The following WDR62 variants were observed in gnomAD, a reference collection of about 807,000 sequenced individuals.
The protein encoded by WDR62 is WD repeat-containing protein 62.
Under a neutral mutation model 160.6 loss-of-function variants are expected in WDR62, and 112 were observed. The observed-to-expected ratio is 0.70, with a 90% CI of 0.60 to 0.82. The LOEUF (loss-of-function observed/expected upper bound fraction) is 0.82, where lower values mean the gene tolerates loss of function less well. Ranked by LOEUF, WDR62 falls within the 40% of genes least tolerant of loss-of-function variation. The pLI is 0.00. For synonymous variants in WDR62, 792 were observed against 815.1 expected (o/e 0.97, Z 0.48); for missense variants, 1,819 against 1,983.8 (o/e 0.92, Z 1.58).
chr19:36,088,287 CAA>C (rs1568353201), intron 13 of WDR62, among the ~76,000 whole-genome samples: 2 of 152,118 alleles, frequency 1.3e-5, no homozygotes, highest in South Asian at 4.1e-4. Context: ...GCCTGGGCAA[CAA>C]GAGCGAAACT....
At chr19:36,069,461 T>C (rs2079151) in intron 7 of WDR62, among the ~76,000 whole-genome samples, 71,298 of 149,542 alleles carry the variant, frequency 0.48, 17,574 homozygotes, top group African/African-American at 0.61. Flanking sequence ...CTCCTCACTT[T>C]CTAGACGGAA....
chr19:36,105,235 A>G (rs1212275124), downstream of WDR62: 3 of 655,242 alleles, frequency 4.6e-6, no homozygotes, highest in Non-Finnish European at 7.7e-6. Context: ...AGCGCTCCCA[A>G]GAAGTTCAGG....
Position 36,055,030 on chromosome 19 carries a change from C to G in WDR62, c.59C>G (p.Ser20Cys). Residue 20 changes from serine to cysteine, a missense_variant, in exon 1 of 32, where the codon TCT (serine) becomes TGT (cysteine). This residue lies in a region of WDR62 where 115 missense variants were observed against 92.4 expected (regional missense o/e 1.24). Coordinates refer to ENST00000401500, the MANE Select transcript of WDR62 (RefSeq NM_001083961.2). ...ARNDAGEKLP[S>C]VMAGVPARRG... The stretch of plus-strand genomic sequence containing the variant: ...AACGATGCAGGGGAGAAGCTGCCCT[C>G]TGTCATGGCGGGAGTTCCGGCGCGG... The G allele has an allele frequency of 6.2e-7, 1 of 1,608,162 alleles. No homozygotes were observed. The highest frequency in any genetic ancestry group is 1.3e-5 in the African/African-American group (1 of 75,010).
chr19:36,070,589 G>A (rs1052298290), intron 7 of WDR62: 1 of 152,264 alleles, frequency 6.6e-6, no homozygotes. Context: ...TTCCTGGCCT[G>A]CCTTTGTGAC....
At chr19:36,060,206 C>T (rs1970576494) in intron 3 of WDR62, 176 bp downstream of exon 3, 1 of 672,848 alleles carries the variant, frequency 1.5e-6, no homozygotes, top group African/African-American at 1.8e-5. Flanking sequence ...ACAGCAGTGA[C>T]CAGAGGAGAC....
Position 36,097,031 on chromosome 19 carries a change from T to G in WDR62, c.2472T>G (p.Pro824=). 6.2e-7 allele frequency: 1 copy of G among 1,612,640 alleles called. No individual in the cohort carries two copies. Among genetic ancestry groups the G allele is most frequent in the Non-Finnish European group, 8.5e-7 (1 of 1,179,388 alleles). ...TPSKDSLDPD[P]RCLLTNGKLP... ...ATGGATTCTGTGTCTTTCCAGATCC[T>G]CGTTGCCTGCTAACCAACGGCAAGC... The change falls in exon 21 of 32, where the codon CCT becomes CCG. Residue 824 remains proline (P), a synonymous_variant. Transcript: ENST00000401500.
rs1568370961 is a variant in WDR62, at chr19:36,103,178, A to C, written c.3485A>C (p.Glu1162Ala). The C allele has an allele frequency of 4.3e-6, 7 of 1,613,996 alleles. No homozygotes were observed. Among genetic ancestry groups the C allele is most frequent in the Non-Finnish European group, 5.9e-6 (7 of 1,180,002 alleles). Residue 1162 changes from glutamate (E) to alanine (A), a missense_variant, in exon 29 of 32, where the codon GAA (glutamate) becomes GCA (alanine). Coordinates refer to ENST00000401500, the MANE Select transcript of WDR62 (RefSeq NM_001083961.2). ...CAGGTCCTCGCTGCAGGGAAGGCTG[A>C]AGAGACCCTGGAGGCCTGGCGCCCA... ...RTHVLAAGKA[E>A]ETLEAWRPPP...
chr19:36,084,962 C>T (rs555621596), intron 12 of WDR62, among the ~76,000 whole-genome samples: 1 of 152,284 alleles, frequency 6.6e-6, no homozygotes, highest in African/African-American at 2.4e-5. Flanking sequence ...TTGCCCGCTG[C>T]TGGTGCCAGC....
chr19:36,101,196 C>G lies in WDR62; in HGVS notation c.2868-18C>G, dbSNP rs569948417. On this transcript the variant is annotated intron_variant, in intron 23 of 31. Transcript: ENST00000401500. ...AGCTGAAGTCCTTGTTCCCTCTCTG[C>G]CCCCACTGGCACTGCAGCCAGTATT... 1 of 1,600,752 alleles carries G rather than the reference C, an allele frequency of 6.2e-7. No individual in the cohort carries two copies. Among genetic ancestry groups the G allele is most frequent in the South Asian group, 1.1e-5 (1 of 89,026 alleles).
downstream of WDR62, among the ~76,000 whole-genome samples, chr19:36,109,963 G>T (rs1257331522): frequency 6.6e-6 from 1 of 151,510 alleles, no homozygotes; most frequent in African/African-American, 2.4e-5. Flanking sequence ...GCTGAGGCAG[G>T]AGACTCACTT....
In WDR62 at chr19:36,103,810, G is replaced by A; in HGVS notation, c.3982G>A (p.Ala1328Thr). Residue 1328 changes from alanine to threonine, a missense_variant, in exon 30 of 32, where the codon GCC becomes ACC. Coordinates refer to ENST00000401500, the MANE Select transcript of WDR62 (RefSeq NM_001083961.2). Reference sequence around the variant, plus strand: ...CACCGTCCCTGCAGTGAGCTTCCCAGCCCCTAGCCCTGTGGAAGAGAGCGC... The same window carrying A: ...CACCGTCCCTGCAGTGAGCTTCCCAACCCCTAGCCCTGTGGAAGAGAGCGC... ...GVTVPAVSFP[A>T]PSPVEESALR... The A allele has an allele frequency of 6.2e-7, 1 of 1,607,714 alleles. No individual in the cohort carries two copies. The highest frequency in any genetic ancestry group is 8.5e-7 in the Non-Finnish European group (1 of 1,178,884).
At chr19:36,082,967 G>T in intron 10 of WDR62, 96 bp from the exon 11 acceptor site, 1 of 1,075,968 alleles carries the variant, frequency 9.3e-7, no homozygotes, top group Non-Finnish European at 1.4e-6. Context: ...AATTAGAGTT[G>T]TATTACTAAC....
chr19:36,080,679 T>G (rs1260788759), intron 9 of WDR62, among the ~76,000 whole-genome samples: 1 of 151,926 alleles, frequency 6.6e-6, no homozygotes, highest in African/African-American at 2.4e-5. Flanking sequence ...GGTCTCAAAC[T>G]CCTGACCTCA....
Position 36,063,136 on chromosome 19 carries a change from G to C in WDR62, c.333-2822G>C, listed in dbSNP as rs1970749290. 2.0e-5 allele frequency among the ~76,000 whole-genome samples: 3 copies of C among 152,248 alleles called. No homozygotes were observed. The South Asian group carries it at 6.2e-4, about 32-fold the overall frequency. ...ATTTTTGTATTTTTAGTAGAGCTGG[G>C]GTTTCCCCATGTTGGCCAGGATGGT... On this transcript the variant is annotated intron_variant, in intron 3 of 31. Transcript: ENST00000401500.
downstream of WDR62, among the ~76,000 whole-genome samples, chr19:36,109,182 T>C (rs1168288850): frequency 6.6e-6 from 1 of 152,182 alleles, no homozygotes; most frequent in Non-Finnish European, 1.5e-5. Flanking sequence ...CAGCAAGCCT[T>C]GTACAGATGT....
In WDR62 at chr19:36,067,351, G is replaced by T; in HGVS notation, c.607G>T (p.Ala203Ser). 6.2e-7 allele frequency: 1 copy of T among 1,614,216 alleles called. No homozygotes were observed. The highest frequency in any genetic ancestry group is 1.1e-5 in the South Asian group (1 of 91,084). The change falls in exon 6 of 32, where the codon GCC becomes TCC. Residue 203 changes from alanine (A) to serine (S), a missense_variant. This residue lies in a region of WDR62 where 934 missense variants were observed against 1,157.2 expected (regional missense o/e 0.81). Coordinates refer to ENST00000401500, the MANE Select transcript of WDR62 (RefSeq NM_001083961.2). ...CAACAAGGTATCTTGTAGAGTCATT[G>T]CCCTCTCCTTCTCAGAGGACAGCAG... Reference protein sequence around the residue: ...ASNKVSCRVIALSFSEDSSYF... With the variant: ...ASNKVSCRVISLSFSEDSSYF...
chr19:36,102,292 C>G (rs767120734), intron 26 of WDR62, 141 bp downstream of exon 26: 9 of 1,255,634 alleles, frequency 7.2e-6, no homozygotes, highest in Non-Finnish European at 1.0e-5. Flanking sequence ...GACGGAGTCT[C>G]GCTCTGTTGC....
In WDR62 at chr19:36,086,955, C is replaced by T. The variant is rs531680453; in HGVS notation, c.1768+143C>T. ...CAGTATACAGAATAATGACTGGGGC[C>T]GGGTGTAATGGCTCACACCTGTAAT... On this transcript the variant is annotated intron_variant, in intron 13 of 31. Coordinates refer to ENST00000401500, the MANE Select transcript of WDR62 (RefSeq NM_001083961.2). The T allele has an allele frequency of 7.0e-5, 90 of 1,283,524 alleles. 1 individual carries two copies. The highest frequency in any genetic ancestry group is 8.9e-5 in the African/African-American group (6 of 67,648). The allele number at this position is 1,283,524 out of a possible 1,614,324, so 79.5% of individuals were successfully genotyped here.
chr19:36,071,037 A>G (rs1971267635), intron 7 of WDR62: 1 of 169,384 alleles, frequency 5.9e-6, no homozygotes, highest in Non-Finnish European at 1.3e-5. Flanking sequence ...GTGAAACCCC[A>G]TCTCAAAATA....
Sources: gnomAD v4.1 joint callset for allele counts (sites outside exome capture counted in the v4.1 genomes callset) on GRCh38, gnomAD v4.1.1 for gene constraint, gnomAD v4.1.1 regional missense constraint, MANE v1.5 for transcripts, NCBI Gene and HGNC (gene_info 2026-07-23, HGNC 2026-07-21) for gene names.